LRRC38: variants seen among roughly 807,000 people sequenced by gnomAD.
LRRC38 encodes leucine rich repeat containing 38, also known as leucine-rich repeat-containing protein 38.
A neutral mutation model predicts 16.4 loss-of-function variants in LRRC38; 5 were observed. That is an observed-to-expected ratio of 0.31 (90% confidence interval 0.16 to 0.64). The LOEUF is 0.64. Among genes scored for constraint, LRRC38 ranks in the 30% least tolerant of loss-of-function variants. The pLI is 0.80. For missense variants in LRRC38, 341 were observed against 401.8 expected, an observed-to-expected ratio of 0.85 and a Z score of 1.29; for synonymous variants, 191 against 190.2, an observed-to-expected ratio of 1.00 and a Z score of -0.04.
At chr1:13,484,144 C>G (rs2100494213) in intron 1 of LRRC38, among the ~76,000 whole-genome samples, 1 of 152,250 alleles carries the variant, frequency 6.6e-6, no homozygotes, top group South Asian at 2.1e-4. Flanking sequence ...ACGCCCCGCG[C>G]AGGCCACCGT....
intron 1 of LRRC38, among the ~76,000 whole-genome samples, chr1:13,507,841 A>G (rs1157742272): frequency 2.0e-5 from 3 of 151,800 alleles, no homozygotes; most frequent in Non-Finnish European, 4.4e-5. Context: ...CAAAACAAAC[A>G]AACAAACAAA....
chr1:13,481,027 G>T (rs1489762942), intron 1 of LRRC38, among the ~76,000 whole-genome samples: 1 of 152,154 alleles, frequency 6.6e-6, no homozygotes, highest in Non-Finnish European at 1.5e-5. Flanking sequence ...AGCCCCCAGT[G>T]TGATGGTATC....
chr1:13,497,834 G>A (rs968743212), intron 1 of LRRC38, among the ~76,000 whole-genome samples: 7 of 151,610 alleles, frequency 4.6e-5, no homozygotes, highest in Non-Finnish European at 7.4e-5. Context: ...AGTTGTGTAC[G>A]CCTGCAATCC....
At chr1:13,480,903 C>A (rs959071413) in intron 1 of LRRC38, among the ~76,000 whole-genome samples, 7 of 152,280 alleles carry the variant, frequency 4.6e-5, no homozygotes, top group African/African-American at 1.7e-4. Flanking sequence ...AGCAATCCTC[C>A]CACCTCAGCT....
chr1:13,500,812 G>A (rs1416376629), intron 1 of LRRC38, among the ~76,000 whole-genome samples: 2 of 152,142 alleles, frequency 1.3e-5, no homozygotes, highest in Non-Finnish European at 2.9e-5. Flanking sequence ...TAAAGTGAAC[G>A]CCAGAAAGCA....
At chr1:13,490,448 T>C (rs185517981) in intron 1 of LRRC38, among the ~76,000 whole-genome samples, 1 of 152,252 alleles carries the variant, frequency 6.6e-6, no homozygotes, top group East Asian at 1.9e-4. Context: ...CGTGAGCCAC[T>C]GCGCCCAGCC....
chr1:13,485,443 C>T (rs1388262170), intron 1 of LRRC38, among the ~76,000 whole-genome samples: 1 of 151,750 alleles, frequency 6.6e-6, no homozygotes, highest in Non-Finnish European at 1.5e-5. Context: ...TGGTGGCGGG[C>T]GACTGTCCCA....
chr1:13,513,191 G>A lies in LRRC38; in HGVS notation c.403C>T (p.Leu135=). The stretch of plus-strand genomic sequence containing the variant: ...ACGCCCACCAGGTTGTTGTTAGCCA[G>A]GCTAAGCTTCACCAGCCTCCCGGCC... ...RSAGRLVKLS[L]ANNNLVGVHE... The change falls in exon 1 of 2, where the codon CTG becomes TTG. Residue 135 remains leucine, a synonymous_variant. Transcript: ENST00000376085. 1 of 1,550,526 alleles carries A rather than the reference G, an allele frequency of 6.4e-7. No homozygotes were observed. The highest frequency in any genetic ancestry group is 8.7e-7 in the Non-Finnish European group (1 of 1,146,970).
chr1:13,489,591 G>A (rs779101113), intron 1 of LRRC38, among the ~76,000 whole-genome samples: 87 of 152,232 alleles, frequency 5.7e-4, no homozygotes, highest in Non-Finnish European at 1.0e-3. Context: ...AGCATCTGGG[G>A]AAGCTGCACG....
intron 1 of LRRC38, among the ~76,000 whole-genome samples, chr1:13,493,866 C>A (rs1639048609): frequency 6.6e-6 from 1 of 152,142 alleles, no homozygotes; most frequent in Non-Finnish European, 1.5e-5. Context: ...AGTTTGAGAC[C>A]AACCTGCCCA....
intron 1 of LRRC38, among the ~76,000 whole-genome samples, chr1:13,490,391 T>C (rs947327889): frequency 6.6e-6 from 1 of 152,176 alleles, no homozygotes; most frequent in Non-Finnish European, 1.5e-5. Context: ...ACTCCTGACC[T>C]CAAGTGATCC....
chr1:13,499,602 T>C (rs1639122309), intron 1 of LRRC38, among the ~76,000 whole-genome samples: 1 of 152,244 alleles, frequency 6.6e-6, no homozygotes, highest in Non-Finnish European at 1.5e-5. Context: ...GAAGTGAGTC[T>C]AACAAAGGGG....
intron 1 of LRRC38, among the ~76,000 whole-genome samples, chr1:13,482,133 T>C (rs535368451): frequency 6.6e-6 from 1 of 151,928 alleles, no homozygotes; most frequent in Non-Finnish European, 1.5e-5. Context: ...CCATGCAGGA[T>C]ACAAAAGGAA....
rs1327294047 is a variant in LRRC38, at chr1:13,513,394, C to T, written c.200G>A (p.Arg67His). Reference sequence around the variant, plus strand: ...GAAGTCCTCGGGGATCCGCTGGATGCGGTTGCCGGCCACCAGCAGCTTGCG... The same window carrying T: ...GAAGTCCTCGGGGATCCGCTGGATGTGGTTGCCGGCCACCAGCAGCTTGCG... ...DVRKLLVAGNRIQRIPEDFFI... is the reference protein window; with the variant it reads ...DVRKLLVAGNHIQRIPEDFFI... The change falls in exon 1 of 2, where the codon CGC becomes CAC. Residue 67 changes from arginine to histidine, a missense_variant. Transcript: ENST00000376085. The T allele has an allele frequency of 2.6e-6, 4 of 1,550,568 alleles. No homozygotes were observed. Among genetic ancestry groups the T allele is most frequent in the African/African-American group, 1.4e-5 (1 of 73,164 alleles).
At chr1:13,511,383 A>G (rs1403406131) in intron 1 of LRRC38, among the ~76,000 whole-genome samples, 3 of 152,126 alleles carry the variant, frequency 2.0e-5, no homozygotes, top group Non-Finnish European at 4.4e-5. Context: ...TTCCAAATCC[A>G]GGGCTCTTTG....
At chr1:13,507,338 A>T (rs989461454) in intron 1 of LRRC38, among the ~76,000 whole-genome samples, 1 of 152,160 alleles carries the variant, frequency 6.6e-6, no homozygotes, top group African/African-American at 2.4e-5. Flanking sequence ...ACATGCACCG[A>T]CTCATCAACA....
chr1:13,492,562 C>T, intron 1 of LRRC38, among the ~76,000 whole-genome samples: 1 of 152,014 alleles, frequency 6.6e-6, no homozygotes, highest in East Asian at 1.9e-4. Flanking sequence ...ATTAGCCGGG[C>T]CTGGTGGCGG....
At chr1:13,494,889 C>T (rs1032134660) in intron 1 of LRRC38, among the ~76,000 whole-genome samples, 2 of 152,236 alleles carry the variant, frequency 1.3e-5, no homozygotes, top group African/African-American at 2.4e-5. Flanking sequence ...TGGTCAGCCT[C>T]GCTGTCCCAG....
intron 1 of LRRC38, among the ~76,000 whole-genome samples, chr1:13,507,704 C>T (rs570950779): frequency 7.5e-4 from 114 of 152,068 alleles, no homozygotes; most frequent in African/African-American, 2.6e-3. Flanking sequence ...TGGTGGCAGG[C>T]GCCTATAATC....
Sources: allele counts gnomAD v4.1 joint callset (sites outside exome capture counted in the v4.1 genomes callset), GRCh38; gene constraint gnomAD v4.1.1; transcripts MANE v1.5; gene names NCBI Gene and HGNC (gene_info 2026-07-23, HGNC 2026-07-21).